ZNF462: variants seen among roughly 807,000 people sequenced by gnomAD.
ZNF462 encodes zinc finger PBX1-interacting protein.
Under a neutral mutation model 201.9 loss-of-function variants are expected in ZNF462, and 10 were observed. The ratio of observed to expected loss-of-function variants is 0.05; its 90% CI spans 0.03 to 0.08. The LOEUF (loss-of-function observed/expected upper bound fraction) is 0.08. Among genes scored for constraint, ZNF462 ranks in the 10% least tolerant of loss-of-function variants. The pLI, the probability that ZNF462 is intolerant of heterozygous loss-of-function variation, is 1.00. For synonymous variants in ZNF462, 1,227 were observed against 1,193.3 expected, an observed-to-expected ratio of 1.03 and a Z score of -0.58; for missense variants, 2,523 against 3,168.3, an observed-to-expected ratio of 0.80 and a Z score of 4.89.
At position 106,948,733 on chromosome 9, in the gene ZNF462, A is replaced by G. The variant is rs566998318; in HGVS notation, c.6427+9626A>G. On this transcript the variant is annotated intron_variant, in intron 7 of 12. Coordinates refer to ENST00000277225, the MANE Select transcript of ZNF462 (RefSeq NM_021224.6). ...TCTTTCATGTGTTTTTGCTCTCACT[A>G]TATAGGTTCCATCACCACATGACTT... Among the ~76,000 whole-genome samples, 9 of 151,740 alleles carry G rather than the reference A, an allele frequency of 5.9e-5. No homozygotes were observed. In the South Asian group the frequency reaches 8.3e-4, roughly 14 times the overall value.
Position 106,905,291 on chromosome 9 carries a change from AG to A in ZNF462, c.-30-18062del, listed in dbSNP as rs2131228961. Among the ~76,000 whole-genome samples the A allele has an allele frequency of 6.6e-6, 1 of 152,318 alleles. No individual in the cohort carries two copies. Among genetic ancestry groups the A allele is most frequent in the East Asian group, 1.9e-4 (1 of 5,170 alleles). On this transcript the variant is annotated intron_variant, in intron 1 of 12. Transcript: ENST00000277225. The surrounding 1 kb of genome is among the most constrained non-coding windows in gnomAD (Gnocchi z 5.9). Reference sequence around the variant, plus strand: ...ATGTGAATTGTCTAAGGGGTCTCTCAGCCATGGATACCAGCACCTGTTCTGG... The same window carrying A: ...ATGTGAATTGTCTAAGGGGTCTCTCACCATGGATACCAGCACCTGTTCTGG...
chr9:106,916,791 T>C (rs895339263), intron 1 of ZNF462, among the ~76,000 whole-genome samples: 6 of 152,360 alleles, frequency 3.9e-5, no homozygotes, highest in African/African-American at 1.4e-4. Flanking sequence ...GAGAATTTCA[T>C]TGAGGGGGAG....
Position 106,935,447 on chromosome 9 carries a change from C to T in ZNF462, c.6117-56C>T. The T allele has an allele frequency of 1.3e-6, 2 of 1,509,764 alleles. No homozygotes were observed. The highest frequency in any genetic ancestry group is 3.4e-5 in the Admixed American group (2 of 59,666). The allele number at this position is 1,509,764 out of a possible 1,614,324, so 93.5% of individuals were successfully genotyped here. On this transcript the variant is annotated intron_variant, in intron 5 of 12. Transcript: ENST00000277225. This position sits in a 1 kb window ranked among gnomAD's most constrained non-coding sequence, Gnocchi z 4.1. ...CCTGGAAAAAAAGCAATGAGCAAAT[C>T]CTCTATGCAATTTTTAATTTTGTCA...
chr9:106,992,649 T>A (rs1384325665), intron 10 of ZNF462, among the ~76,000 whole-genome samples: 1 of 152,088 alleles, frequency 6.6e-6, no homozygotes, highest in Non-Finnish European at 1.5e-5. Context: ...TATGATTCTG[T>A]TTATATGAAA....
chr9:107,011,162 A>G lies in ZNF462; in HGVS notation c.*132A>G, dbSNP rs1303055562. On this transcript the variant is annotated 3_prime_UTR_variant, in exon 13 of 13. Transcript: ENST00000277225. This position sits in a 1 kb window ranked among gnomAD's most constrained non-coding sequence, Gnocchi z 5.6. ...GCTGCTTTTTAGGACTGAACAATCTATTTTCAAAGCACTGGTACCTGTGTG... is the reference window on the plus strand; with the variant it reads ...GCTGCTTTTTAGGACTGAACAATCTGTTTTCAAAGCACTGGTACCTGTGTG... 5.1e-6 allele frequency: 4 copies of G among 780,222 alleles called. No homozygotes were observed. The highest frequency in any genetic ancestry group is 5.3e-5 in the East Asian group (2 of 37,438). 48.3% of individuals were successfully genotyped at this position (780,222 alleles called of 1,614,324 possible). A position where few individuals can be genotyped will look rare whatever the true frequency, so the allele number is the denominator to read the frequency against.
Position 106,933,194 on chromosome 9 carries a change from A to G in ZNF462, c.6116+645A>G, listed in dbSNP as rs142789412. On this transcript the variant is annotated intron_variant, in intron 5 of 12. Coordinates refer to ENST00000277225, the MANE Select transcript of ZNF462 (RefSeq NM_021224.6). The surrounding 1 kb of genome is among the most constrained non-coding windows in gnomAD (Gnocchi z 4.3). Reference sequence around the variant, plus strand: ...TTTCAGCCGTGTAAAAGAGAGATAAATATTCAATAATGCGTTTGGACAGTC... The same window carrying G: ...TTTCAGCCGTGTAAAAGAGAGATAAGTATTCAATAATGCGTTTGGACAGTC... 692 of 155,046 alleles carry G rather than the reference A, an allele frequency of 4.5e-3. 6 individuals are homozygous for G. Among genetic ancestry groups the G allele is most frequent in the African/African-American group, 0.015 (627 of 41,592 alleles). 9.6% of individuals were successfully genotyped at this position (155,046 alleles called of 1,614,324 possible). A position where few individuals can be genotyped will look rare whatever the true frequency, so the allele number is the denominator to read the frequency against.
In ZNF462 at chr9:106,877,371, G is replaced by GTTA. The variant is rs573063407; in HGVS notation, c.-31+14030_-31+14032dup. 7.3e-5 allele frequency among the ~76,000 whole-genome samples: 9 copies of GTTA among 122,882 alleles called. No homozygotes were observed. In the South Asian group the frequency reaches 1.3e-3, roughly 18 times the overall value. The allele number at this position is 122,882 out of a possible 152,430, so 80.6% of individuals were successfully genotyped here. ...ATAAATATGTCATTGGAATGTTGTT[G>GTTA]TTATTATTATTATTATCATTATTAT... On this transcript the variant is annotated intron_variant, in intron 1 of 12. Transcript: ENST00000277225.
At chr9:106,914,244 TG>T (rs891385653) in intron 1 of ZNF462, among the ~76,000 whole-genome samples, 1 of 138,442 alleles carries the variant, frequency 7.2e-6, no homozygotes, top group African/African-American at 2.5e-5. Context: ...TGAAGACAGG[TG>T]GGTTATATGC....
chr9:106,944,221 A>G (rs1318772945), intron 7 of ZNF462, among the ~76,000 whole-genome samples: 2 of 152,194 alleles, frequency 1.3e-5, no homozygotes, highest in Non-Finnish European at 2.9e-5. Flanking sequence ...GTCTCTGTCA[A>G]TATACAGTGT....
At position 106,935,702 on chromosome 9, in the gene ZNF462, T is replaced by C. The variant is rs1830603723; in HGVS notation, c.6235+81T>C. ...TGATGATCTTTATTGAGTGAAATACTGTCCTGCCTTACACTTGAGAATGTT... is the reference window on the plus strand; with the variant it reads ...TGATGATCTTTATTGAGTGAAATACCGTCCTGCCTTACACTTGAGAATGTT... On this transcript the variant is annotated intron_variant, in intron 6 of 12. Transcript: ENST00000277225. The surrounding 1 kb of genome is among the most constrained non-coding windows in gnomAD (Gnocchi z 4.1). 9 of 1,076,234 alleles carry C rather than the reference T, an allele frequency of 8.4e-6. No homozygotes were observed. Among genetic ancestry groups the C allele is most frequent in the Non-Finnish European group, 1.1e-5 (8 of 711,798 alleles). 66.7% of individuals were successfully genotyped at this position (1,076,234 alleles called of 1,614,324 possible).
At chr9:106,936,444 TA>T (rs1466938143) in intron 6 of ZNF462, among the ~76,000 whole-genome samples, 1 of 152,200 alleles carries the variant, frequency 6.6e-6, no homozygotes, top group Non-Finnish European at 1.5e-5. Context: ...ATGCTCTGTG[TA>T]AACAGGACCA....
intron 1 of ZNF462, among the ~76,000 whole-genome samples, chr9:106,898,679 T>G (rs923043829): frequency 6.6e-6 from 1 of 151,620 alleles, no homozygotes; most frequent in African/African-American, 2.4e-5. Flanking sequence ...GGGGAGGAGG[T>G]CAGGGTGGAG....
In ZNF462 at chr9:106,925,113, T is replaced by A. The variant is rs1564103273; in HGVS notation, c.1201T>A (p.Leu401Ile). The A allele has an allele frequency of 6.2e-7, 1 of 1,614,144 alleles. No homozygotes were observed. Among genetic ancestry groups the A allele is most frequent in the Non-Finnish European group, 8.5e-7 (1 of 1,180,034 alleles). ...AAATGAAATAGACAGTGAGAATGGTTTAAGTGCTATGGATCACCAGACATC... is the reference window on the plus strand; with the variant it reads ...AAATGAAATAGACAGTGAGAATGGTATAAGTGCTATGGATCACCAGACATC... ...ELNEIDSENG[L>I]SAMDHQTSGL... The change falls in exon 3 of 13, where the codon TTA becomes ATA. Residue 401 changes from leucine (L) to isoleucine (I), a missense_variant. Around this residue, in one of 15 missense-constraint regions of ZNF462, gnomAD observed 480 missense variants for 544.4 expected, o/e 0.88. Coordinates refer to ENST00000277225, the MANE Select transcript of ZNF462 (RefSeq NM_021224.6). This position sits in a 1 kb window ranked among gnomAD's most constrained non-coding sequence, Gnocchi z 7.9.
At chr9:106,877,325 A>G (rs1461617924) in intron 1 of ZNF462, among the ~76,000 whole-genome samples, 1 of 107,796 alleles carries the variant, frequency 9.3e-6, no homozygotes, top group Non-Finnish European at 1.9e-5. Context: ...TTTTTTTTAC[A>G]TTTGGGAAAT....
intron 10 of ZNF462, among the ~76,000 whole-genome samples, chr9:106,996,852 G>T (rs538927748): frequency 3.9e-5 from 6 of 152,194 alleles, no homozygotes; most frequent in South Asian, 2.1e-4. Context: ...AGCATTTATT[G>T]TGTGTCAAGT....
Position 106,943,059 on chromosome 9 carries a change from C to CGTGTGTGTGT in ZNF462, c.6427+3977_6427+3986dup, listed in dbSNP as rs3056311. On this transcript the variant is annotated intron_variant, in intron 7 of 12. Coordinates refer to ENST00000277225, the MANE Select transcript of ZNF462 (RefSeq NM_021224.6). ...GTAACATAGTTTTGTTTTGCGCGCG[C>CGTGTGTGTGT]GTGTGTGTGTGTGTGTGTGTGTGTG... 7.7e-3 allele frequency among the ~76,000 whole-genome samples: 1,102 copies of CGTGTGTGTGT among 143,206 alleles called. 8 individuals carry two copies. Among genetic ancestry groups the CGTGTGTGTGT allele is most frequent in the African/African-American group, 0.022 (844 of 37,926 alleles). The allele number at this position is 143,206 out of a possible 152,430, so 93.9% of individuals were successfully genotyped here.
chr9:106,930,327 G>T lies in ZNF462; in HGVS notation c.5848-198G>T, dbSNP rs1028023411. Among the ~76,000 whole-genome samples the T allele has an allele frequency of 5.3e-5, 8 of 152,128 alleles. No homozygotes were observed. The highest frequency in any genetic ancestry group is 1.4e-4 in the African/African-American group (6 of 41,416). On this transcript the variant is annotated intron_variant, in intron 3 of 12. Coordinates refer to ENST00000277225, the MANE Select transcript of ZNF462 (RefSeq NM_021224.6). This position sits in a 1 kb window ranked among gnomAD's most constrained non-coding sequence, Gnocchi z 5.8. Reference sequence around the variant, plus strand: ...CTACTCACAAGCCGTAATGTATTTGGGTTTCAAAGACTTTGCATAGTAGGC... The same window carrying T: ...CTACTCACAAGCCGTAATGTATTTGTGTTTCAAAGACTTTGCATAGTAGGC...
At chr9:106,866,869 A>G (rs558540420) in intron 1 of ZNF462, among the ~76,000 whole-genome samples, 13 of 152,368 alleles carry the variant, frequency 8.5e-5, no homozygotes, top group Non-Finnish European at 1.5e-4. Flanking sequence ...TTATGTAAAC[A>G]TAAGTACATT....
rs1333184372 is a variant in ZNF462 at position 106,950,514 on chromosome 9, A to G, written c.6427+11407A>G. Among the ~76,000 whole-genome samples the G allele has an allele frequency of 6.6e-6, 1 of 152,216 alleles. No homozygotes were observed. The highest frequency in any genetic ancestry group is 1.5e-5 in the Non-Finnish European group (1 of 68,036). ...GGTAAGTTTTTAATTAGGGATACAG[A>G]GAAGGAAAGATGAGGAAATTCACAT... On this transcript the variant is annotated intron_variant, in intron 7 of 12. Transcript: ENST00000277225. The surrounding 1 kb of genome is among the most constrained non-coding windows in gnomAD (Gnocchi z 4.1).
Sources: allele counts gnomAD v4.1 joint callset (sites outside exome capture counted in the v4.1 genomes callset), GRCh38; gene constraint gnomAD v4.1.1; regional missense constraint gnomAD v4.1.1; non-coding constraint Gnocchi (gnomAD v3.1); transcripts MANE v1.5; gene names NCBI Gene and HGNC (gene_info 2026-07-23, HGNC 2026-07-21).